The following NUP42 variants were observed in gnomAD, a reference collection of about 807,000 sequenced individuals.
NUP42 encodes the protein nucleoporin NUP42.
A neutral mutation model predicts 35.9 loss-of-function variants in NUP42; 47 were observed. The observed-to-expected ratio is 1.31, with a 90% confidence interval of 1.04 to 1.67. The LOEUF is 1.67. Among genes scored for constraint, NUP42 ranks in the 40% most tolerant of loss-of-function variants. The pLI is 0.00. For synonymous variants in NUP42, 173 were observed against 173.3 expected, an observed-to-expected ratio of 1.00 and a Z score of 0.01; for missense variants, 514 against 492.2, an observed-to-expected ratio of 1.04 and a Z score of -0.42.
chr7:23,188,771 A>T (rs1189897556), intron 3 of NUP42, among the ~76,000 whole-genome samples: 1 of 152,226 alleles, frequency 6.6e-6, no homozygotes, highest in Non-Finnish European at 1.5e-5. Flanking sequence ...GAGTTCAAAA[A>T]TATTTTCTGA....
rs957494079 is a variant in NUP42 at position 23,196,737 on chromosome 7, A to T, written c.580A>T (p.Ser194Cys). Residue 194 changes from serine to cysteine, a missense_variant, in exon 5 of 7, where the codon AGT (serine) becomes TGT (cysteine). Physicochemically the swap from Ser to Cys is moderately radical, Grantham distance 112 (BLOSUM62 -1). Coordinates refer to ENST00000258742, the MANE Select transcript of NUP42 (RefSeq NM_007342.3). Reference protein sequence around the residue: ...QWRNRVNELKSLNISTKVALL... With the variant: ...QWRNRVNELKCLNISTKVALL... The stretch of plus-strand genomic sequence containing the variant: ...GAGGAACAGGGTAAATGAACTGAAA[A>T]GTCTAAATATATCAACTAAAGTAGC... 1.9e-6 allele frequency: 3 copies of T among 1,611,798 alleles called. No homozygotes were observed. The highest frequency in any genetic ancestry group is 1.7e-4 in the Middle Eastern group (1 of 6,038).
Position 23,199,454 on chromosome 7 carries a change from T to C in NUP42, c.610-4T>C. 2 of 1,613,252 alleles carry C rather than the reference T, an allele frequency of 1.2e-6. No homozygotes were observed. The highest frequency in any genetic ancestry group is 1.7e-6 in the Non-Finnish European group (2 of 1,179,264). On this transcript the variant is annotated splice_polypyrimidine_tract_variant and splice_region_variant and intron_variant, in intron 5 of 6. Coordinates refer to ENST00000258742, the MANE Select transcript of NUP42 (RefSeq NM_007342.3). ...TTTATTATTTGCACACTTTTTTTTT[T>C]CAGCTCTCTGATGTAAAGGATGGAG...
rs1554295346 is a variant in NUP42 at position 23,185,154 on chromosome 7, G to A, written c.206G>A (p.Trp69Ter). The change falls in exon 2 of 7, where the codon TGG (tryptophan) becomes TAG (stop). Residue 69 changes from tryptophan to a stop codon, truncating the protein, a stop_gained. Transcript: ENST00000258742. LOFTEE classifies it high-confidence loss of function. Reference protein sequence around the residue: ...QPSSFSKSTPWGGSRDQEKPY... With the variant: ...QPSSFSKSTP The stretch of plus-strand genomic sequence containing the variant: ...TCCAGTTTCTCCAAATCCACACCAT[G>A]GGGGGGCAGCAGAGATCAAGAAAAG... The A allele has an allele frequency of 2.2e-5, 35 of 1,613,828 alleles. No homozygotes were observed. Among genetic ancestry groups the A allele is most frequent in the Non-Finnish European group, 2.7e-5 (32 of 1,179,858 alleles).
intron 3 of NUP42, among the ~76,000 whole-genome samples, chr7:23,193,769 C>G (rs978236995): frequency 6.6e-6 from 1 of 152,216 alleles, no homozygotes; most frequent in African/African-American, 2.4e-5. Context: ...GACTGGGTGC[C>G]GGTGGAGCAG....
chr7:23,195,651 A>G (rs919298629), intron 3 of NUP42, 188 bp from the exon 4 acceptor site: 7 of 472,934 alleles, frequency 1.5e-5, no homozygotes, highest in Non-Finnish European at 2.2e-5. Context: ...GATCAGAATA[A>G]CCAACTATAT....
At chr7:23,183,754 TA>T (rs571597955) in intron 1 of NUP42, among the ~76,000 whole-genome samples, 1,734 of 82,060 alleles carry the variant, frequency 0.021, 26 homozygotes, top group Non-Finnish European at 0.027. Context: ...AAAAGCAATG[TA>T]AAAAAAAAAA....
In NUP42 at chr7:23,200,638, C is replaced by T; in HGVS notation, c.1165C>T (p.Pro389Ser). 1 of 1,613,682 alleles carries T rather than the reference C, an allele frequency of 6.2e-7. No individual in the cohort carries two copies. Among genetic ancestry groups the T allele is most frequent in the Non-Finnish European group, 8.5e-7 (1 of 1,179,754 alleles). ...IIATDNVLFT[P>S]RDKLTVEELE... is the part of the protein sequence containing the mutation. ...TGCAACAGATAATGTGTTATTCACA[C>T]CCAGAGATAAACTAACAGTAGAAGA... The change falls in exon 7 of 7, where the codon CCC (proline) becomes TCC (serine). Residue 389 changes from proline (P) to serine (S), a missense_variant. Physicochemically the swap from Pro to Ser is moderately conservative, Grantham distance 74. Coordinates refer to ENST00000258742, the MANE Select transcript of NUP42 (RefSeq NM_007342.3).
At position 23,187,060 on chromosome 7, in the gene NUP42, T is replaced by A; in HGVS notation, c.359T>A (p.Ile120Asn). Residue 120 changes from isoleucine to asparagine, a missense_variant, in exon 3 of 7, where the codon ATT becomes AAT. Coordinates refer to ENST00000258742, the MANE Select transcript of NUP42 (RefSeq NM_007342.3). Reference sequence around the variant, plus strand: ...TTTTTTCTTTTTTGCAGGGAAGGAATTGTAAAAGATATGGAGGTTTGGGAA... The same window carrying A: ...TTTTTTCTTTTTTGCAGGGAAGGAAATGTAAAAGATATGGAGGTTTGGGAA... Reference protein sequence around the residue: ...QKDEKKLLEGIVKDMEVWESS... With the variant: ...QKDEKKLLEGNVKDMEVWESS... 1 of 1,579,452 alleles carries A rather than the reference T, an allele frequency of 6.3e-7. No homozygotes were observed. The highest frequency in any genetic ancestry group is 8.6e-7 in the Non-Finnish European group (1 of 1,164,494).
rs1786176306 is a variant in NUP42 at position 23,200,428 on chromosome 7, C to G, written c.955C>G (p.Leu319Val). 3.7e-6 allele frequency: 6 copies of G among 1,614,218 alleles called. No individual in the cohort carries two copies. Among genetic ancestry groups the G allele is most frequent in the Non-Finnish European group, 4.2e-6 (5 of 1,180,030 alleles). Residue 319 changes from leucine (L) to valine (V), a missense_variant, in exon 7 of 7, where the codon CTT (leucine) becomes GTT (valine). Coordinates refer to ENST00000258742, the MANE Select transcript of NUP42 (RefSeq NM_007342.3). ...SSFGSPGFSG[L>V]PASLATGPVR... is the part of the protein sequence containing the mutation. The stretch of plus-strand genomic sequence containing the variant: ...TTTTGGATCACCTGGATTTTCAGGA[C>G]TTCCAGCTTCCTTGGCAACAGGTCC...
chr7:23,200,629 T>C lies in NUP42; in HGVS notation c.1156T>C (p.Leu386=), dbSNP rs754527680. The C allele has an allele frequency of 6.2e-7, 1 of 1,614,082 alleles. No homozygotes were observed. Among genetic ancestry groups the C allele is most frequent in the Non-Finnish European group, 8.5e-7 (1 of 1,179,966 alleles). The part of the protein sequence containing the change: ...SSSIIATDNV[L]FTPRDKLTVE... Reference sequence around the variant, plus strand: ...CAGCATCATTGCAACAGATAATGTGTTATTCACACCCAGAGATAAACTAAC... The same window carrying C: ...CAGCATCATTGCAACAGATAATGTGCTATTCACACCCAGAGATAAACTAAC... The change falls in exon 7 of 7, where the codon TTA becomes CTA. Residue 386 remains leucine (L), a synonymous_variant. Transcript: ENST00000258742.
intron 3 of NUP42, among the ~76,000 whole-genome samples, chr7:23,190,390 T>C (rs1785750238): frequency 6.6e-6 from 1 of 152,236 alleles, no homozygotes; most frequent in Admixed American, 6.5e-5. Context: ...CTTACTAAAT[T>C]TTCATTTTTT....
intron 2 of NUP42, 87 bp downstream of exon 2, chr7:23,185,385 T>C: frequency 1.2e-6 from 1 of 869,560 alleles, no homozygotes; most frequent in Non-Finnish European, 1.8e-6. Context: ...TTTTGTAACA[T>C]CTTTTCACAA....
intron 3 of NUP42, among the ~76,000 whole-genome samples, chr7:23,190,725 T>C (rs1785759982): frequency 6.6e-6 from 1 of 152,186 alleles, no homozygotes; most frequent in African/African-American, 2.4e-5. Flanking sequence ...CATGAAGTCC[T>C]TGCCCATACA....
At chr7:23,185,556 ATAGTAGAGTGCCTTCC>A (rs1233593431) in intron 2 of NUP42, among the ~76,000 whole-genome samples, 1 of 152,148 alleles carries the variant, frequency 6.6e-6, no homozygotes, top group Non-Finnish European at 1.5e-5. Flanking sequence ...TCTTTCTATA[ATAGTAGAGTGCCTTCC>A]TAGGGGTAAT....
intron 3 of NUP42, chr7:23,187,988 C>G: frequency 1.1e-6 from 1 of 874,490 alleles, no homozygotes; most frequent in Non-Finnish European, 1.7e-6. Context: ...AATATTCTCT[C>G]TCTCTTTTTT....
At chr7:23,184,183 A>G (rs1472953240) in intron 1 of NUP42, among the ~76,000 whole-genome samples, 1 of 152,204 alleles carries the variant, frequency 6.6e-6, no homozygotes, top group Non-Finnish European at 1.5e-5. Context: ...TGCATTCTGT[A>G]CACATGTAAA....
chr7:23,184,985 A>G, intron 1 of NUP42, 85 bp from the exon 2 acceptor site: 1 of 1,165,320 alleles, frequency 8.6e-7, no homozygotes, highest in South Asian at 1.6e-5. Flanking sequence ...CACCCTGGGC[A>G]AAAGAGTGAG....
intron 6 of NUP42, among the ~76,000 whole-genome samples, 159 bp downstream of exon 6, chr7:23,199,701 A>C (rs192224644): frequency 2.0e-5 from 3 of 152,368 alleles, no homozygotes; most frequent in Admixed American, 6.5e-5. Context: ...ACATTTGTGA[A>C]AGGGAGGCCA....
intron 5 of NUP42, among the ~76,000 whole-genome samples, chr7:23,199,106 A>AT (rs1786115964): frequency 6.6e-6 from 1 of 152,192 alleles, no homozygotes; most frequent in East Asian, 1.9e-4. Flanking sequence ...GCCTTTTTTA[A>AT]TGCACTTTTT....
Sources: gnomAD v4.1 joint callset for allele counts (sites outside exome capture counted in the v4.1 genomes callset) on GRCh38, gnomAD v4.1.1 for gene constraint, MANE v1.5 for transcripts, NCBI Gene and HGNC (gene_info 2026-07-23, HGNC 2026-07-21) for gene names.